Variants in AKAP7 observed in about 807,000 individuals in gnomAD.
AKAP7 encodes A kinase (PRKA) anchor protein 7.
A neutral mutation model predicts 39.5 loss-of-function variants in AKAP7; 39 were observed. That is an observed-to-expected ratio of 0.99 (90% CI 0.76 to 1.29). AKAP7 has a LOEUF of 1.29. AKAP7 is among the 50% of genes most tolerant of loss of function. AKAP7 has a pLI of 0.00. For synonymous variants in AKAP7, 140 were observed against 139.1 expected (o/e 1.01, Z -0.05); for missense variants, 414 against 407.7 (o/e 1.02, Z -0.13).
At chr6:131,200,604 G>A (rs753558506) in intron 6 of AKAP7, among the ~76,000 whole-genome samples, 1 of 152,124 alleles carries the variant, frequency 6.6e-6, no homozygotes, top group Non-Finnish European at 1.5e-5. Flanking sequence ...CCATCCTATA[G>A]TTAAGAGTTT....
chr6:131,178,424 T>TA (rs2128252327), intron 5 of AKAP7, among the ~76,000 whole-genome samples: 1 of 152,324 alleles, frequency 6.6e-6, no homozygotes, highest in South Asian at 2.1e-4. Flanking sequence ...TAATGATAAA[T>TA]ACTCCATTCC....
At chr6:131,192,322 C>T (rs1806493454) in intron 5 of AKAP7, among the ~76,000 whole-genome samples, 2 of 152,072 alleles carry the variant, frequency 1.3e-5, no homozygotes. Context: ...CCCAGTTTTC[C>T]CAGCCCATTT....
At chr6:131,136,412 G>T (rs1402143364) in intron 1 of AKAP7, among the ~76,000 whole-genome samples, 1 of 152,198 alleles carries the variant, frequency 6.6e-6, no homozygotes, top group African/African-American at 2.4e-5. Flanking sequence ...AGTTTCATAG[G>T]ATAAACTCAT....
At chr6:131,222,054 A>G (rs560987201) in intron 7 of AKAP7, among the ~76,000 whole-genome samples, 1 of 152,270 alleles carries the variant, frequency 6.6e-6, no homozygotes, top group African/African-American at 2.4e-5. Flanking sequence ...CAAATTGAAA[A>G]CCTTCTGGAA....
chr6:131,180,811 C>G (rs895531448), intron 5 of AKAP7, among the ~76,000 whole-genome samples: 3 of 132,920 alleles, frequency 2.3e-5, no homozygotes. Flanking sequence ...TCTGAGACAC[C>G]ACTTTCTTTT....
chr6:131,140,317 T>C (rs1800922985), intron 1 of AKAP7, among the ~76,000 whole-genome samples: 1 of 152,202 alleles, frequency 6.6e-6, no homozygotes, highest in Admixed American at 6.5e-5. Context: ...GTTACTATTA[T>C]TACCATTGTT....
the AKAP7 span, among the ~76,000 whole-genome samples, chr6:131,127,500 A>G: frequency 0.011 from 1,731 of 152,354 alleles, 27 homozygotes; most frequent in African/African-American, 0.038. Flanking sequence ...AAACATTTAA[A>G]TGAAAGGGAA....
Position 131,282,169 on chromosome 6 carries a change from A to C in AKAP7, c.*443A>C. 1 of 1,238,754 alleles carries C rather than the reference A, an allele frequency of 8.1e-7. No individual in the cohort carries two copies. Among genetic ancestry groups the C allele is most frequent in the Non-Finnish European group, 1.0e-6 (1 of 991,902 alleles). The allele number at this position is 1,238,754 out of a possible 1,614,324, so 76.7% of individuals were successfully genotyped here. A position where few individuals can be genotyped will look rare whatever the true frequency, so the allele number is the denominator to read the frequency against. ...TAAAATAATCACTGTTGGAATTGTCATCTGTACAATTAGTCCATAATGTTT... is the reference window on the plus strand; with the variant it reads ...TAAAATAATCACTGTTGGAATTGTCCTCTGTACAATTAGTCCATAATGTTT... On this transcript the variant is annotated 3_prime_UTR_variant, in exon 8 of 8. Transcript: ENST00000431975.
At chr6:131,233,502 C>G (rs999648698) in intron 7 of AKAP7, among the ~76,000 whole-genome samples, 1 of 152,174 alleles carries the variant, frequency 6.6e-6, no homozygotes, top group African/African-American at 2.4e-5. Flanking sequence ...CCTGGACATA[C>G]TCAGTGTTCA....
Position 131,193,994 on chromosome 6 carries a change from A to T in AKAP7, c.590-5467A>T, listed in dbSNP as rs530847728. On this transcript the variant is annotated intron_variant, in intron 5 of 7. Transcript: ENST00000431975. ...ATTTTGCTTATCTTTTCAAAAAAAC[A>T]GCTTTTCATTTTGTTGATTTTTTTG... Among the ~76,000 whole-genome samples, 35 of 152,124 alleles carry T rather than the reference A, an allele frequency of 2.3e-4. 1 individual carries two copies. In the South Asian group the frequency reaches 7.3e-3, roughly 32 times the overall value.
At chr6:131,190,471 A>C (rs1022204095) in intron 5 of AKAP7, among the ~76,000 whole-genome samples, 1 of 151,968 alleles carries the variant, frequency 6.6e-6, no homozygotes, top group South Asian at 2.1e-4. Flanking sequence ...GACAAAACCC[A>C]TAACTACTAA....
intron 5 of AKAP7, among the ~76,000 whole-genome samples, chr6:131,182,986 A>G (rs991105459): frequency 6.6e-6 from 1 of 152,222 alleles, no homozygotes; most frequent in Admixed American, 6.5e-5. Flanking sequence ...TTTGGGGGAA[A>G]AAAAGCTGTA....
intron 3 of AKAP7, among the ~76,000 whole-genome samples, chr6:131,163,984 G>T (rs1803231959): frequency 6.6e-6 from 1 of 152,116 alleles, no homozygotes; most frequent in East Asian, 1.9e-4. Context: ...TAAAGTTTTG[G>T]TCAAAGGAGA....
intron 6 of AKAP7, among the ~76,000 whole-genome samples, chr6:131,201,669 T>C (rs992449335): frequency 1.6e-4 from 24 of 152,188 alleles, no homozygotes; most frequent in Admixed American, 4.6e-4. Flanking sequence ...TCCTTGCCCA[T>C]GCCTATGTCC....
At chr6:131,250,960 A>G (rs369445264) in intron 7 of AKAP7, among the ~76,000 whole-genome samples, 4 of 152,210 alleles carry the variant, frequency 2.6e-5, no homozygotes, top group South Asian at 2.1e-4. Flanking sequence ...GATATACTGT[A>G]CAAGCCAGAC....
chr6:131,188,486 A>C (rs1268118384), intron 5 of AKAP7, among the ~76,000 whole-genome samples: 2 of 151,670 alleles, frequency 1.3e-5, no homozygotes, highest in Middle Eastern at 3.2e-3. Flanking sequence ...ATTGGAAGAC[A>C]TGGAAAATAC....
intron 1 of AKAP7, among the ~76,000 whole-genome samples, chr6:131,143,447 G>T (rs1446861885): frequency 6.6e-6 from 1 of 152,146 alleles, no homozygotes; most frequent in African/African-American, 2.4e-5. Flanking sequence ...GTGACATGTT[G>T]GCTTCCCTTT....
chr6:131,253,675 TTTA>T, intron 7 of AKAP7, among the ~76,000 whole-genome samples: 1 of 151,848 alleles, frequency 6.6e-6, no homozygotes, highest in East Asian at 1.9e-4. Context: ...TATTTATTTA[TTTA>T]TTTATTTATT....
At chr6:131,179,800 G>A (rs1464755403) in intron 5 of AKAP7, among the ~76,000 whole-genome samples, 1 of 152,040 alleles carries the variant, frequency 6.6e-6, no homozygotes, top group Non-Finnish European at 1.5e-5. Context: ...GTCTGGGAGG[G>A]CGAGGCTGCA....
Sources: gnomAD v4.1 joint callset for allele counts (sites outside exome capture counted in the v4.1 genomes callset) on GRCh38, gnomAD v4.1.1 for gene constraint, MANE v1.5 for transcripts, NCBI Gene and HGNC (gene_info 2026-07-23, HGNC 2026-07-21) for gene names.